GULP1: variants seen among roughly 807,000 people sequenced by gnomAD.
GULP1 encodes PTB domain-containing engulfment adapter protein 1.
GULP1 carries 19 observed loss-of-function variants against 40.9 expected under a neutral mutation model. The ratio of observed to expected loss-of-function variants is 0.46; its 90% CI spans 0.32 to 0.68. The LOEUF (loss-of-function observed/expected upper bound fraction) is 0.68, where lower values mean the gene tolerates loss of function less well. Ranked by LOEUF, GULP1 falls within the 30% of genes least tolerant of loss-of-function variation. The pLI is 0.03. For synonymous variants in GULP1, 119 were observed against 117.6 expected, an observed-to-expected ratio of 1.01 and a Z score of -0.08; for missense variants, 312 against 362.2, an observed-to-expected ratio of 0.86 and a Z score of 1.12.
intron 4 of GULP1, among the ~76,000 whole-genome samples, chr2:188,490,519 TGAGTGAGCTAAGTAGACTAAGTAA>T (rs1416181331): frequency 1.3e-5 from 2 of 152,128 alleles, no homozygotes; most frequent in African/African-American, 4.8e-5. Flanking sequence ...GGCAGAGATG[TGAGTGAGCTAAGTAGACTAAGTAA>T]AGTCTATGTA....
chr2:188,320,338 A>G (rs977544055), intron 1 of GULP1, among the ~76,000 whole-genome samples: 1 of 152,152 alleles, frequency 6.6e-6, no homozygotes, highest in Non-Finnish European at 1.5e-5. Flanking sequence ...ACAGTATTGA[A>G]CCTTCACTCC....
intron 7 of GULP1, among the ~76,000 whole-genome samples, chr2:188,544,604 A>G (rs939097647): frequency 1.3e-5 from 2 of 151,892 alleles, no homozygotes; most frequent in Non-Finnish European, 2.9e-5. Context: ...GACTTAGTGT[A>G]TGGACTCAAC....
At chr2:188,397,322 C>T (rs1175942639) in intron 2 of GULP1, among the ~76,000 whole-genome samples, 1 of 152,116 alleles carries the variant, frequency 6.6e-6, no homozygotes, top group Non-Finnish European at 1.5e-5. Context: ...AATATCATTC[C>T]TAACTTTTGG....
At chr2:188,486,701 T>C (rs923601630) in intron 4 of GULP1, among the ~76,000 whole-genome samples, 3 of 151,996 alleles carry the variant, frequency 2.0e-5, no homozygotes, top group Non-Finnish European at 2.9e-5. Flanking sequence ...TATAAAATAA[T>C]AAATGGTTTA....
At chr2:188,355,991 A>G (rs1486675031) in intron 1 of GULP1, among the ~76,000 whole-genome samples, 1 of 152,106 alleles carries the variant, frequency 6.6e-6, no homozygotes, top group Non-Finnish European at 1.5e-5. Flanking sequence ...ACATCTGTTC[A>G]TAATAAAAAC....
chr2:188,575,872 C>T (rs1056996228), intron 9 of GULP1, among the ~76,000 whole-genome samples: 3 of 152,030 alleles, frequency 2.0e-5, no homozygotes, highest in Non-Finnish European at 2.9e-5. Flanking sequence ...CAGAAGGAGA[C>T]ATTTCAGTAG....
At chr2:188,305,440 C>T (rs1190630745) in intron 1 of GULP1, among the ~76,000 whole-genome samples, 1 of 152,214 alleles carries the variant, frequency 6.6e-6, no homozygotes, top group East Asian at 1.9e-4. Flanking sequence ...TCAGACTTTT[C>T]TTGGCCCCTC....
intron 2 of GULP1, among the ~76,000 whole-genome samples, chr2:188,422,926 G>T (rs917479983): frequency 6.6e-6 from 1 of 151,950 alleles, no homozygotes; most frequent in African/African-American, 2.4e-5. Flanking sequence ...CTGCTCTTTC[G>T]GTTTCCAGAT....
intron 6 of GULP1, among the ~76,000 whole-genome samples, chr2:188,533,141 A>AT (rs531370663): frequency 1.3e-5 from 2 of 151,960 alleles, no homozygotes; most frequent in Admixed American, 6.6e-5. Flanking sequence ...AATAAGGATA[A>AT]TTTTTTTTCA....
intron 2 of GULP1, among the ~76,000 whole-genome samples, chr2:188,419,448 A>G (rs775204161): frequency 2.0e-5 from 3 of 151,758 alleles, no homozygotes; most frequent in Non-Finnish European, 1.5e-5. Context: ...TTCCTGTTGG[A>G]TTAGTGATGC....
intron 4 of GULP1, among the ~76,000 whole-genome samples, chr2:188,490,794 T>G (rs1471712277): frequency 6.6e-6 from 1 of 152,088 alleles, no homozygotes; most frequent in Non-Finnish European, 1.5e-5. Flanking sequence ...TGTTTGGCCC[T>G]AGATGAAATA....
chr2:188,422,878 A>G (rs1266507733), intron 2 of GULP1, among the ~76,000 whole-genome samples: 1 of 152,058 alleles, frequency 6.6e-6, no homozygotes, highest in African/African-American at 2.4e-5. Context: ...GCCTGTGCTA[A>G]TTAGAGGCAC....
intron 2 of GULP1, among the ~76,000 whole-genome samples, chr2:188,457,345 G>C (rs895784787): frequency 6.6e-6 from 1 of 152,154 alleles, no homozygotes. Flanking sequence ...GGAAGAACCT[G>C]TTGGGAGGTG....
chr2:188,356,498 A>G (rs2152332148), intron 1 of GULP1, among the ~76,000 whole-genome samples: 1 of 152,258 alleles, frequency 6.6e-6, no homozygotes, highest in East Asian at 1.9e-4. Flanking sequence ...TATTTCTACA[A>G]GAAAAACTAC....
intron 4 of GULP1, among the ~76,000 whole-genome samples, chr2:188,491,992 A>G (rs908445886): frequency 6.6e-6 from 1 of 151,866 alleles, no homozygotes; most frequent in African/African-American, 2.4e-5. Flanking sequence ...TAAGTGGTTT[A>G]TTTTTCTAAA....
chr2:188,417,465 A>G (rs933988532), intron 2 of GULP1, among the ~76,000 whole-genome samples: 7 of 152,216 alleles, frequency 4.6e-5, no homozygotes, highest in Non-Finnish European at 8.8e-5. Context: ...AGGCTAAACT[A>G]TGTACTATAA....
chr2:188,381,602 C>A (rs1455760072), intron 1 of GULP1, among the ~76,000 whole-genome samples: 1 of 152,028 alleles, frequency 6.6e-6, no homozygotes, highest in Admixed American at 6.6e-5. Flanking sequence ...CGAATTATTT[C>A]TCTCTAATTT....
At chr2:188,407,283 T>C (rs1461117763) in intron 2 of GULP1, among the ~76,000 whole-genome samples, 2 of 152,202 alleles carry the variant, frequency 1.3e-5, no homozygotes, top group African/African-American at 4.8e-5. Context: ...AAGAAAAGGA[T>C]GCTAATTACT....
intron 1 of GULP1, among the ~76,000 whole-genome samples, chr2:188,305,445 C>T (rs1040752118): frequency 6.6e-6 from 1 of 152,182 alleles, no homozygotes; most frequent in African/African-American, 2.4e-5. Context: ...CTTTTCTTGG[C>T]CCCTCTGTGT....
Sources: gnomAD v4.1 joint callset for allele counts (sites outside exome capture counted in the v4.1 genomes callset) on GRCh38, gnomAD v4.1.1 for gene constraint, MANE v1.5 for transcripts, NCBI Gene and HGNC (gene_info 2026-07-23, HGNC 2026-07-21) for gene names.